The following HUWE1 variants were observed in gnomAD, a reference collection of about 807,000 sequenced individuals.
HUWE1 encodes HECT, UBA and WWE domain containing E3 ubiquitin protein ligase 1.
A neutral mutation model predicts 299.4 loss-of-function variants in HUWE1; 18 were observed. That is an observed-to-expected ratio of 0.06 (90% CI 0.04 to 0.09). HUWE1 has a LOEUF of 0.09. Among genes scored for constraint, HUWE1 ranks in the 10% least tolerant of loss-of-function variants. The probability of loss-of-function intolerance (pLI) is 1.00; values close to 1 mark genes in which losing one functional copy is unlikely to be tolerated. For synonymous variants in HUWE1, 1,317 were observed against 1,286.1 expected (o/e 1.02, Z -0.51); for missense variants, 1,832 against 3,462.3 (o/e 0.53, Z 11.82).
intron 23 of HUWE1, among the ~76,000 whole-genome samples, chrX:53,611,261 C>G (rs781939518): frequency 9.8e-6 from 1 of 102,511 alleles, no homozygotes; most frequent in African/African-American, 3.6e-5. Flanking sequence ...AGTCCATCAA[C>G]AGGAAAATGG....
At chrX:53,559,912 C>T (rs1447227938) in intron 56 of HUWE1, among the ~76,000 whole-genome samples, 3 of 112,064 alleles carry the variant, frequency 2.7e-5, no homozygotes. Flanking sequence ...GATCTTGTCC[C>T]GTCTATATCT....
At position 53,554,426 on chromosome X, in the gene HUWE1, T is replaced by C. The variant is rs781884703; in HGVS notation, c.8494+207A>G. Among the ~76,000 whole-genome samples the C allele has an allele frequency of 4.5e-5, 5 of 111,128 alleles. No individual in the cohort carries two copies. In the East Asian group the frequency reaches 1.4e-3, roughly 32 times the overall value. On this transcript the variant is annotated intron_variant, in intron 61 of 83. Transcript: ENST00000262854. ...AGTAATTGCCTCAATGAACTGTTGG[T>C]ATCATCACCAATATCATTAGACATT... is the stretch of plus-strand genomic sequence containing the variant.
intron 60 of HUWE1, 96 bp from the exon 61 acceptor site, chrX:53,555,016 A>C: frequency 2.4e-5 from 15 of 631,587 alleles, no homozygotes; most frequent in South Asian, 3.8e-5. Flanking sequence ...TAAGTATCCC[A>C]CCCAGCCAGT....
At chrX:53,635,511 C>T (rs1916793597) in intron 7 of HUWE1, among the ~76,000 whole-genome samples, 1 of 111,010 alleles carries the variant, frequency 9.0e-6, no homozygotes, top group Non-Finnish European at 1.9e-5. Flanking sequence ...TTTGTAGGAG[C>T]CTTGCCATGT....
At position 53,660,054 on chromosome X, in the gene HUWE1, G is replaced by A. The variant is rs781872455; in HGVS notation, c.-24-5923C>T. Among the ~76,000 whole-genome samples the A allele has an allele frequency of 5.4e-4, 61 of 112,026 alleles. No homozygotes were observed. In the South Asian group the frequency reaches 0.011, roughly 20 times the overall value. On this transcript the variant is annotated intron_variant, in intron 3 of 83. Transcript: ENST00000262854. ...AGTCAAGTGTCTGTAACTACAGAAA[G>A]ACTGGATAATTAATGCAGCCAAGTA... is the stretch of plus-strand genomic sequence containing the variant.
chrX:53,622,139 T>C (rs1470757710), intron 19 of HUWE1, among the ~76,000 whole-genome samples: 4 of 111,590 alleles, frequency 3.6e-5, no homozygotes, highest in Non-Finnish European at 5.7e-5. Context: ...GGTGCTTCCA[T>C]ATTAAACTTC....
rs782012261 is a variant in HUWE1 at position 53,589,655 on chromosome X, A to G, written c.4353T>C (p.Leu1451=). The stretch of plus-strand genomic sequence containing the variant: ...GGTATACTGTGTCTGGCAGCTCATC[A>G]AGAAGGTGGAAGCAGCCTGGCAACA... ...DTMLPGCFHL[L]DELPDTVYRV... The change falls in exon 36 of 84, where the codon CTT becomes CTC. Residue 1451 remains leucine, a synonymous_variant. Coordinates refer to ENST00000262854, the MANE Select transcript of HUWE1 (RefSeq NM_031407.7). 4 of 1,209,480 alleles carry G rather than the reference A, an allele frequency of 3.3e-6. No individual in the cohort carries two copies. Among genetic ancestry groups the G allele is most frequent in the South Asian group, 1.8e-5 (1 of 56,784 alleles).
intron 28 of HUWE1, among the ~76,000 whole-genome samples, chrX:53,601,186 T>G (rs2064814262): frequency 1.0e-5 from 1 of 100,419 alleles, no homozygotes; most frequent in African/African-American, 3.6e-5. Flanking sequence ...GCCTGATACC[T>G]TTTTTTTTTT....
In HUWE1 at chrX:53,536,640, C is replaced by A; in HGVS notation, c.12165G>T (p.Gly4055=). The change falls in exon 79 of 84, where the codon GGG becomes GGT. Residue 4055 remains glycine (G), a synonymous_variant. Coordinates refer to ENST00000262854, the MANE Select transcript of HUWE1 (RefSeq NM_031407.7). ...RLYIVFEGEE[G]QDAGGLLREW... is the part of the protein sequence containing the mutation. ...CCCGCAGGAGCCCACCAGCATCCTG[C>A]CCTTCTTCTCCTTCAAATACTATAT... The A allele has an allele frequency of 8.3e-7, 1 of 1,209,713 alleles. No homozygotes were observed.
chrX:53,560,793 A>C (rs1390993918), intron 55 of HUWE1, among the ~76,000 whole-genome samples: 3 of 111,771 alleles, frequency 2.7e-5, no homozygotes, highest in African/African-American at 9.8e-5. Flanking sequence ...TGACTTCCAC[A>C]GATTGGGTTA....
chrX:53,608,872 T>C lies in HUWE1; in HGVS notation c.2299A>G (p.Met767Val). Residue 767 changes from methionine to valine, a missense_variant, in exon 24 of 84, where the codon ATG (methionine) becomes GTG (valine). Physicochemically the swap from Met to Val is conservative, Grantham distance 21 (BLOSUM62 1). Around this residue, in one of 15 missense-constraint regions of HUWE1, gnomAD observed 658 missense variants for 1,282.6 expected, o/e 0.51. Coordinates refer to ENST00000262854, the MANE Select transcript of HUWE1 (RefSeq NM_031407.7). Reference protein sequence around the residue: ...GTEERIPIPLMDYILNVMKFV... With the variant: ...GTEERIPIPLVDYILNVMKFV... Reference sequence around the variant, plus strand: ...CTTACCACATTAAGGATGTAATCCATGAGGGGAATAGGAATACGTTCCTCT... The same window carrying C: ...CTTACCACATTAAGGATGTAATCCACGAGGGGAATAGGAATACGTTCCTCT... 1.7e-6 allele frequency: 2 copies of C among 1,170,989 alleles called. No individual in the cohort carries two copies. Among genetic ancestry groups the C allele is most frequent in the Non-Finnish European group, 1.2e-6 (1 of 858,180 alleles).
chrX:53,539,924 G>T (rs1308297682), intron 74 of HUWE1, 112 bp from the exon 75 acceptor site: 2 of 701,239 alleles, frequency 2.9e-6, no homozygotes, highest in African/African-American at 2.2e-5. Flanking sequence ...GGGACCACTG[G>T]CCACTGAGTG....
In HUWE1 at chrX:53,549,142, G is replaced by A. The variant is rs782359117; in HGVS notation, c.9852C>T (p.Ser3284=). Residue 3284 remains serine, a synonymous_variant, in exon 67 of 84, where the codon TCC becomes TCT. Coordinates refer to ENST00000262854, the MANE Select transcript of HUWE1 (RefSeq NM_031407.7). ...CTGCATCCATGGATACTGAGAGCCA[G>A]GAAAGCTGGTTGGAGCTCTTTGACT... ...KMESKSSNQL[S]WLSVSMDAAL... is the part of the protein sequence containing the mutation. 4.7e-5 allele frequency: 57 copies of A among 1,210,890 alleles called. No individual in the cohort carries two copies. In the East Asian group the frequency reaches 1.0e-3, roughly 22 times the overall value.
intron 33 of HUWE1, among the ~76,000 whole-genome samples, chrX:53,591,884 C>T (rs1168537343): frequency 8.9e-6 from 1 of 112,120 alleles, no homozygotes; most frequent in African/African-American, 3.2e-5. Flanking sequence ...AAAGCTGACA[C>T]ACATACATAC....
intron 59 of HUWE1, 104 bp downstream of exon 59, chrX:53,558,551 G>C (rs1824793155): frequency 3.6e-6 from 3 of 834,313 alleles, no homozygotes. Context: ...GGTTCAACGT[G>C]AACGTTCTAG....
intron 8 of HUWE1, among the ~76,000 whole-genome samples, chrX:53,633,233 G>A (rs1303522319): frequency 8.9e-6 from 1 of 112,308 alleles, no homozygotes; most frequent in Non-Finnish European, 1.9e-5. Context: ...ATGTCTCACT[G>A]AAAGACACCA....
intron 19 of HUWE1, among the ~76,000 whole-genome samples, chrX:53,619,112 A>G (rs2065971918): frequency 8.9e-6 from 1 of 111,858 alleles, no homozygotes; most frequent in Non-Finnish European, 1.9e-5. Context: ...AGGATTTTCT[A>G]TTCAAGATGG....
At chrX:53,622,174 C>T (rs2066191026) in intron 19 of HUWE1, among the ~76,000 whole-genome samples, 1 of 111,248 alleles carries the variant, frequency 9.0e-6, no homozygotes, top group African/African-American at 3.3e-5. Context: ...CATGTCTTTC[C>T]CAGCCTCTGC....
At chrX:53,683,845 T>TGGGGGGGGGGGGGGGGGGG in intron 2 of HUWE1, 2 of 191,730 alleles carry the variant, frequency 1.0e-5, no homozygotes, top group Non-Finnish European at 9.6e-6. Context: ...CCCTAGTCAC[T>TGGGGGGGGGGGGGGGGGGG]GCCCCCCCAC....
Sources: allele counts gnomAD v4.1 joint callset (sites outside exome capture counted in the v4.1 genomes callset), GRCh38; gene constraint gnomAD v4.1.1; regional missense constraint gnomAD v4.1.1; transcripts MANE v1.5; gene names NCBI Gene and HGNC (gene_info 2026-07-23, HGNC 2026-07-21).